Variants in DRAXIN observed in about 807,000 individuals in gnomAD.
The protein encoded by DRAXIN is dorsal repulsive axon guidance protein.
DRAXIN carries 27 observed loss-of-function variants against 33.9 expected under a neutral mutation model. That is an observed-to-expected ratio of 0.80 (90% CI 0.59 to 1.10). DRAXIN has a LOEUF of 1.10. DRAXIN is among the 50% of genes least tolerant of loss of function. The pLI, the probability that DRAXIN is intolerant of heterozygous loss-of-function variation, is 0.00. For missense variants in DRAXIN, 371 were observed against 460.8 expected (o/e 0.81, Z 1.78); for synonymous variants, 178 against 194.0 (o/e 0.92, Z 0.69).
At chr1:11,712,086 G>A in intron 4 of DRAXIN, 121 bp downstream of exon 4, 1 of 1,003,514 alleles carries the variant, frequency 1.0e-6, no homozygotes, top group Non-Finnish European at 1.5e-6. Flanking sequence ...TGGGATGTGG[G>A]GAGAGGGGGA....
At chr1:11,710,286 G>A (rs1157177950) in intron 3 of DRAXIN, among the ~76,000 whole-genome samples, 1 of 151,934 alleles carries the variant, frequency 6.6e-6, no homozygotes, top group Non-Finnish European at 1.5e-5. Flanking sequence ...GAGCCCAGGA[G>A]TTTGAGATTA....
At chr1:11,718,659 G>C (rs1391234753) in intron 6 of DRAXIN, among the ~76,000 whole-genome samples, 1 of 152,060 alleles carries the variant, frequency 6.6e-6, no homozygotes, top group Non-Finnish European at 1.5e-5. Context: ...GTAGAGATAG[G>C]GTCTCCCTAT....
chr1:11,724,064 G>A lies in DRAXIN; in HGVS notation c.*4368G>A, dbSNP rs1641692779. 1.3e-5 allele frequency: 2 copies of A among 152,316 alleles called. No individual in the cohort carries two copies. Among genetic ancestry groups the A allele is most frequent in the South Asian group, 4.1e-4 (2 of 4,824 alleles). The allele number at this position is 152,316 out of a possible 1,614,324, so 9.4% of individuals were successfully genotyped here. Reference sequence around the variant, plus strand: ...TCACCATTCAAGCTCCTTCCCCAAAGTGTGTTCCATAGAACACTGGGACCA... The same window carrying A: ...TCACCATTCAAGCTCCTTCCCCAAAATGTGTTCCATAGAACACTGGGACCA... On this transcript the variant is annotated 3_prime_UTR_variant, in exon 7 of 7. Coordinates refer to ENST00000294485, the MANE Select transcript of DRAXIN (RefSeq NM_198545.4).
intron 6 of DRAXIN, 70 bp from the exon 7 acceptor site, chr1:11,719,512 AGC>A: frequency 7.4e-7 from 1 of 1,345,174 alleles, no homozygotes; most frequent in Non-Finnish European, 1.0e-6. Context: ...GCTGGCCCCG[AGC>A]GTGCAGGGGA....
chr1:11,722,716 G>A lies in DRAXIN; in HGVS notation c.*3020G>A, dbSNP rs184231167. ...CTCAGCTCTGCCGTAGCTCGAAGCAGCCACAGAGAGTGTGTAAATGAATTC... is the reference window on the plus strand; with the variant it reads ...CTCAGCTCTGCCGTAGCTCGAAGCAACCACAGAGAGTGTGTAAATGAATTC... On this transcript the variant is annotated 3_prime_UTR_variant, in exon 7 of 7. Transcript: ENST00000294485. 2 of 154,344 alleles carry A rather than the reference G, an allele frequency of 1.3e-5. No homozygotes were observed. Among genetic ancestry groups the A allele is most frequent in the Non-Finnish European group, 2.9e-5 (2 of 68,176 alleles). 9.6% of individuals were successfully genotyped at this position (154,344 alleles called of 1,614,324 possible).
intron 5 of DRAXIN, 42 bp from the exon 6 acceptor site, chr1:11,715,077 C>T (rs762427791): frequency 1.9e-5 from 30 of 1,605,544 alleles, no homozygotes; most frequent in South Asian, 3.3e-5. Context: ...CGGGGAGGGG[C>T]GGCTCAGCTT....
In DRAXIN at chr1:11,712,354, A is replaced by G. The variant is rs76964938; in HGVS notation, c.772A>G (p.Lys258Glu). The change falls in exon 5 of 7, where the codon AAA (lysine) becomes GAA (glutamate). Residue 258 changes from lysine to glutamate, a missense_variant. Transcript: ENST00000294485. ...SAKKKEKHRGKLSSDGNETSP... is the reference protein window; with the variant it reads ...SAKKKEKHRGELSSDGNETSP... ...CTTATCCCCAGAGAAACACCGCGGTAAACTCTCCAGTGATGGTAACGAAAC... is the reference window on the plus strand; with the variant it reads ...CTTATCCCCAGAGAAACACCGCGGTGAACTCTCCAGTGATGGTAACGAAAC... The G allele has an allele frequency of 5.4e-4, 876 of 1,614,034 alleles. 3 individuals are homozygous for G. In the African/African-American group the frequency reaches 9.8e-3, roughly 18 times the overall value.
At chr1:11,713,637 C>T (rs1382485992) in intron 5 of DRAXIN, among the ~76,000 whole-genome samples, 2 of 152,156 alleles carry the variant, frequency 1.3e-5, no homozygotes. Context: ...ACCTGTAATC[C>T]CAGCACTATG....
intron 5 of DRAXIN, among the ~76,000 whole-genome samples, chr1:11,713,658 G>A (rs1479640703): frequency 6.6e-6 from 1 of 152,162 alleles, no homozygotes; most frequent in Non-Finnish European, 1.5e-5. Flanking sequence ...GGAGGCCGAG[G>A]CGGGAGGATC....
In DRAXIN at chr1:11,709,288, C is replaced by A. The variant is rs772379254; in HGVS notation, c.465C>A (p.Val155=). 1.9e-6 allele frequency: 3 copies of A among 1,612,182 alleles called. No individual in the cohort carries two copies. The highest frequency in any genetic ancestry group is 8.5e-7 in the Non-Finnish European group (1 of 1,178,952). Residue 155 remains valine, a synonymous_variant, in exon 3 of 7, where the codon GTC becomes GTA. Coordinates refer to ENST00000294485, the MANE Select transcript of DRAXIN (RefSeq NM_198545.4). Reference sequence around the variant, plus strand: ...CCTGTGTCTCAGGCCGAGCCTTGGTCCGAGGTCCCAGCTCCCTGATGAAGA... The same window carrying A: ...CCTGTGTCTCAGGCCGAGCCTTGGTACGAGGTCCCAGCTCCCTGATGAAGA... ...RLRLHQGRAL[V]RGPSSLMKKA...
intron 6 of DRAXIN, among the ~76,000 whole-genome samples, chr1:11,716,684 A>AT (rs1395417751): frequency 2.0e-5 from 3 of 151,954 alleles, no homozygotes; most frequent in African/African-American, 7.3e-5. Context: ...TAATTTAATT[A>AT]TTTTTTGAGA....
At chr1:11,687,785 A>G (rs1640984318), upstream of DRAXIN, among the ~76,000 whole-genome samples, 1 of 152,244 alleles carries the variant, frequency 6.6e-6, no homozygotes, top group Admixed American at 6.5e-5. The surrounding 1 kb of genome is among the most constrained non-coding windows in gnomAD (Gnocchi z 4.1). Context: ...ATCCAGGTCG[A>G]ATCACATATT....
intron 1 of DRAXIN, among the ~76,000 whole-genome samples, chr1:11,702,077 T>C (rs762804887): frequency 1.7e-4 from 24 of 139,240 alleles, no homozygotes; most frequent in Non-Finnish European, 3.3e-4. Context: ...CGCTCACACA[T>C]GCTCACAACA....
chr1:11,706,115 G>A lies in DRAXIN; in HGVS notation c.-10-134G>A, dbSNP rs1641374693. On this transcript the variant is annotated intron_variant, in intron 1 of 6. Transcript: ENST00000294485. The surrounding 1 kb of genome is among the most constrained non-coding windows in gnomAD (Gnocchi z 5.5). ...GTTTTGACAACTAAAATATGTCTTCGGGCATTGCCAAATGTCACTGGGAGC... is the reference window on the plus strand; with the variant it reads ...GTTTTGACAACTAAAATATGTCTTCAGGCATTGCCAAATGTCACTGGGAGC... 8 of 851,464 alleles carry A rather than the reference G, an allele frequency of 9.4e-6. No homozygotes were observed. Among genetic ancestry groups the A allele is most frequent in the South Asian group, 2.0e-5 (1 of 49,524 alleles). 52.7% of individuals were successfully genotyped at this position (851,464 alleles called of 1,614,324 possible).
At chr1:11,713,659 C>A (rs188656765) in intron 5 of DRAXIN, among the ~76,000 whole-genome samples, 2 of 152,036 alleles carry the variant, frequency 1.3e-5, no homozygotes, top group African/African-American at 4.8e-5. Flanking sequence ...GAGGCCGAGG[C>A]GGGAGGATCC....
chr1:11,690,993 C>T (rs1470267590), upstream of DRAXIN, among the ~76,000 whole-genome samples: 3 of 152,076 alleles, frequency 2.0e-5, no homozygotes, highest in South Asian at 4.1e-4. This position sits in a 1 kb window ranked among gnomAD's most constrained non-coding sequence, Gnocchi z 4.2. Flanking sequence ...CCTTCCCTAC[C>T]GGGAAAGAGG....
intron 6 of DRAXIN, among the ~76,000 whole-genome samples, chr1:11,715,693 G>A (rs943353104): frequency 1.3e-5 from 2 of 152,146 alleles, no homozygotes; most frequent in South Asian, 2.1e-4. Context: ...CAACTCCTCC[G>A]TGCCCCCACC....
chr1:11,710,878 C>CACCACT (rs2100740429), intron 3 of DRAXIN, among the ~76,000 whole-genome samples: 1 of 132,734 alleles, frequency 7.5e-6, no homozygotes, highest in East Asian at 2.4e-4. Flanking sequence ...GCCAAGATCA[C>CACCACT]GCCACTGCAC....
chr1:11,689,292 CAAAAAAAAAA>C (rs70983584), upstream of DRAXIN, among the ~76,000 whole-genome samples: 2 of 67,988 alleles, frequency 2.9e-5, no homozygotes, highest in South Asian at 6.2e-4. Context: ...GACTCTGTCT[CAAAAAAAAAA>C]AAAAAAAAAA....
Sources: allele counts gnomAD v4.1 joint callset (sites outside exome capture counted in the v4.1 genomes callset), GRCh38; gene constraint gnomAD v4.1.1; non-coding constraint Gnocchi (gnomAD v3.1); transcripts MANE v1.5; gene names NCBI Gene and HGNC (gene_info 2026-07-23, HGNC 2026-07-21).